Variants in CACNA2D3 observed in about 807,000 individuals in gnomAD.
The protein encoded by CACNA2D3 is voltage-dependent calcium channel subunit alpha-2/delta-3.
Under a neutral mutation model 160.6 loss-of-function variants are expected in CACNA2D3, and 60 were observed. That is an observed-to-expected ratio of 0.37 (90% CI 0.30 to 0.46). The LOEUF (loss-of-function observed/expected upper bound fraction) is 0.46. Among genes scored for constraint, CACNA2D3 ranks in the 20% least tolerant of loss-of-function variants. The pLI is 1.00. For missense variants in CACNA2D3, 1,205 were observed against 1,365.0 expected (o/e 0.88, Z 1.85); for synonymous variants, 558 against 492.9 (o/e 1.13, Z -1.75).
intron 9 of CACNA2D3, among the ~76,000 whole-genome samples, chr3:54,600,945 G>A (rs1480067494): frequency 6.6e-6 from 1 of 152,072 alleles, no homozygotes; most frequent in Non-Finnish European, 1.5e-5. Flanking sequence ...GATATCAGAT[G>A]TTTTGTTTTG....
chr3:55,018,618 A>G (rs1306153032), intron 35 of CACNA2D3, among the ~76,000 whole-genome samples: 2 of 152,030 alleles, frequency 1.3e-5, no homozygotes, highest in African/African-American at 4.8e-5. Flanking sequence ...ACGGTTGGCA[A>G]TTTGAACTGT....
At chr3:54,769,094 GAACA>G (rs1469314395) in intron 13 of CACNA2D3, among the ~76,000 whole-genome samples, 1 of 152,056 alleles carries the variant, frequency 6.6e-6, no homozygotes, top group Non-Finnish European at 1.5e-5. Flanking sequence ...GCCAGGACAC[GAACA>G]AACAAACAAC....
At position 54,880,793 on chromosome 3, in the gene CACNA2D3, C is replaced by G; in HGVS notation, c.1845-3C>G. On this transcript the variant is annotated splice_region_variant and splice_polypyrimidine_tract_variant and intron_variant, in intron 20 of 37. Transcript: ENST00000474759. ...TCAAGATTTGCTTTGTCTCTCTGCACAGTTTAGGTGTGGCGCTTTCCAGAG... is the reference window on the plus strand; with the variant it reads ...TCAAGATTTGCTTTGTCTCTCTGCAGAGTTTAGGTGTGGCGCTTTCCAGAG... The G allele has an allele frequency of 6.2e-7, 1 of 1,613,122 alleles. No homozygotes were observed. Among genetic ancestry groups the G allele is most frequent in the Non-Finnish European group, 8.5e-7 (1 of 1,179,122 alleles).
intron 27 of CACNA2D3, among the ~76,000 whole-genome samples, chr3:54,913,674 A>G (rs1282045056): frequency 1.3e-5 from 2 of 152,114 alleles, no homozygotes; most frequent in African/African-American, 2.4e-5. Flanking sequence ...TTGCCCTGCC[A>G]TGCTTTAAGG....
At chr3:54,323,816 G>A (rs1157826314) in intron 3 of CACNA2D3, among the ~76,000 whole-genome samples, 1 of 152,010 alleles carries the variant, frequency 6.6e-6, no homozygotes, top group Non-Finnish European at 1.5e-5. Flanking sequence ...TTTTAGGTTT[G>A]GCCCTATCAC....
chr3:54,244,278 C>T (rs1240286402), intron 2 of CACNA2D3, among the ~76,000 whole-genome samples: 1 of 152,174 alleles, frequency 6.6e-6, no homozygotes, highest in Non-Finnish European at 1.5e-5. Context: ...CTGGGAAGAG[C>T]AGCTGAGGAA....
intron 3 of CACNA2D3, among the ~76,000 whole-genome samples, chr3:54,355,497 G>C (rs1405521968): frequency 6.6e-6 from 1 of 152,144 alleles, no homozygotes; most frequent in Non-Finnish European, 1.5e-5. Context: ...TGAAGTTAGA[G>C]TCATCAGGAA....
intron 3 of CACNA2D3, among the ~76,000 whole-genome samples, chr3:54,332,766 G>A (rs1009193740): frequency 2.0e-5 from 3 of 152,184 alleles, no homozygotes; most frequent in Non-Finnish European, 2.9e-5. Context: ...GGGTGGGGAA[G>A]CATGCTCACC....
chr3:54,310,142 G>A (rs964051760), intron 2 of CACNA2D3, among the ~76,000 whole-genome samples: 1 of 152,044 alleles, frequency 6.6e-6, no homozygotes, highest in African/African-American at 2.4e-5. Context: ...ATACCTGTGT[G>A]AAACAGAATT....
At position 54,968,514 on chromosome 3, in the gene CACNA2D3, A is replaced by G; in HGVS notation, c.2511+3A>G. 1 of 1,606,652 alleles carries G rather than the reference A, an allele frequency of 6.2e-7. No individual in the cohort carries two copies. The highest frequency in any genetic ancestry group is 8.5e-7 in the Non-Finnish European group (1 of 1,175,546). On this transcript the variant is annotated splice_donor_region_variant and intron_variant, in intron 28 of 37. Transcript: ENST00000474759. ...AGTTCTGGACTGCCAGCAGACAGGT[A>G]AGTTATAATCAGCATCTTGAAGCAT...
chr3:55,049,338 T>G (rs910766561), intron 35 of CACNA2D3, among the ~76,000 whole-genome samples: 2 of 144,560 alleles, frequency 1.4e-5, no homozygotes, highest in Non-Finnish European at 3.0e-5. Context: ...ACATCTTTAT[T>G]TCTGCCTTCA....
intron 4 of CACNA2D3, among the ~76,000 whole-genome samples, chr3:54,413,651 A>G (rs1442174059): frequency 1.3e-5 from 2 of 151,070 alleles, no homozygotes; most frequent in African/African-American, 4.8e-5. Context: ...AAGTTTATTA[A>G]CTTTTTCTTC....
chr3:54,618,374 T>TATATATATAC, intron 9 of CACNA2D3, among the ~76,000 whole-genome samples: 5 of 54,566 alleles, frequency 9.2e-5, no homozygotes, highest in Non-Finnish European at 1.5e-4. Flanking sequence ...TATATATATA[T>TATATATATAC]GCACACACAC....
At chr3:54,779,881 C>T (rs1326255660) in intron 13 of CACNA2D3, among the ~76,000 whole-genome samples, 1 of 152,108 alleles carries the variant, frequency 6.6e-6, no homozygotes, top group African/African-American at 2.4e-5. Flanking sequence ...CTTGTTTTGT[C>T]TATCTCTTGA....
At position 54,930,857 on chromosome 3, in the gene CACNA2D3, G is replaced by A. The variant is rs143330223; in HGVS notation, c.2449+30989G>A. Among the ~76,000 whole-genome samples the A allele has an allele frequency of 4.1e-4, 62 of 152,294 alleles. 1 individual carries two copies. Among genetic ancestry groups the A allele is most frequent in the African/African-American group, 1.4e-3 (60 of 41,572 alleles). ...ACGCCTGTAATCCCAATATACTTTGGGAGGCTGAGTAGGTGGATCAGTTGA... is the reference window on the plus strand; with the variant it reads ...ACGCCTGTAATCCCAATATACTTTGAGAGGCTGAGTAGGTGGATCAGTTGA... On this transcript the variant is annotated intron_variant, in intron 27 of 37. Transcript: ENST00000474759.
chr3:54,505,155 A>G (rs1304738773), intron 5 of CACNA2D3, among the ~76,000 whole-genome samples: 4 of 152,182 alleles, frequency 2.6e-5, no homozygotes, highest in Non-Finnish European at 5.9e-5. Flanking sequence ...GAGTCAGTGG[A>G]GGCAGTACCC....
chr3:54,680,689 C>T (rs1174368372), intron 11 of CACNA2D3, among the ~76,000 whole-genome samples: 3 of 152,214 alleles, frequency 2.0e-5, no homozygotes, highest in Non-Finnish European at 2.9e-5. Context: ...GAGAGGCTGT[C>T]CTCCCTGAGT....
chr3:54,697,809 G>A (rs1700691881), intron 11 of CACNA2D3, among the ~76,000 whole-genome samples: 1 of 152,202 alleles, frequency 6.6e-6, no homozygotes, highest in South Asian at 2.1e-4. Flanking sequence ...GGTAGGAGAT[G>A]GAAGGAGGAA....
intron 11 of CACNA2D3, among the ~76,000 whole-genome samples, chr3:54,697,881 T>A (rs646220): frequency 0.85 from 129,976 of 152,064 alleles, 56,582 homozygotes; most frequent in Non-Finnish European, 0.94. Context: ...AGCCAGACAT[T>A]TTTTTTTTCT....
Sources: allele counts gnomAD v4.1 joint callset (sites outside exome capture counted in the v4.1 genomes callset), GRCh38; gene constraint gnomAD v4.1.1; transcripts MANE v1.5; gene names NCBI Gene and HGNC (gene_info 2026-07-23, HGNC 2026-07-21).